The following TNRC18 variants were observed in gnomAD, a reference collection of about 807,000 sequenced individuals.
The protein encoded by TNRC18 is trinucleotide repeat containing 18, also known as trinucleotide repeat-containing gene 18 protein.
TNRC18 carries 69 observed loss-of-function variants against 226.7 expected under a neutral mutation model. That is an observed-to-expected ratio of 0.30 (90% CI 0.25 to 0.37). The LOEUF (loss-of-function observed/expected upper bound fraction) is 0.37. Among genes scored for constraint, TNRC18 ranks in the 10% least tolerant of loss-of-function variants. TNRC18 has a pLI of 1.00. For missense variants in TNRC18, 4,754 were observed against 4,256.6 expected (o/e 1.12, Z -3.25); for synonymous variants, 2,449 against 1,927.6 (o/e 1.27, Z -7.09).
chr7:5,379,612 T>C (rs1475548703), intron 5 of TNRC18, among the ~76,000 whole-genome samples: 1 of 152,138 alleles, frequency 6.6e-6, no homozygotes, highest in Non-Finnish European at 1.5e-5. Flanking sequence ...GAGCCCCGTC[T>C]GGCCCTCCTG....
At position 5,421,127 on chromosome 7, in the gene TNRC18, G is replaced by A. The variant is rs1286612836; in HGVS notation, c.120C>T (p.Ala40=). Residue 40 remains alanine, a synonymous_variant, in exon 2 of 30, where the codon GCC becomes GCT. Transcript: ENST00000430969. The stretch of plus-strand genomic sequence containing the variant: ...GCGGCAGCGGGCCGGGCAAGCCCGA[G>A]GCGGGCAAGCGTCCGGCAGTGGCCG... ...VGAATAGRLP[A]SGLPGPLPPG... is the part of the protein sequence containing the mutation. 1 of 1,458,596 alleles carries A rather than the reference G, an allele frequency of 6.9e-7. No individual in the cohort carries two copies. Among genetic ancestry groups the A allele is most frequent in the Non-Finnish European group, 9.1e-7 (1 of 1,098,728 alleles). The allele number at this position is 1,458,596 out of a possible 1,614,324, so 90.4% of individuals were successfully genotyped here. A position where few individuals can be genotyped will look rare whatever the true frequency, so the allele number is the denominator to read the frequency against.
At chr7:5,419,494 T>C (rs559921388) in intron 2 of TNRC18, among the ~76,000 whole-genome samples, 1 of 152,290 alleles carries the variant, frequency 6.6e-6, no homozygotes, top group South Asian at 2.1e-4. Flanking sequence ...GGTGGACTTG[T>C]GGGGAGCGCA....
In TNRC18 at chr7:5,332,845, C is replaced by T. The variant is rs770772674; in HGVS notation, c.5924G>A (p.Arg1975Gln). Residue 1975 changes from arginine (R) to glutamine (Q), a missense_variant, in exon 19 of 30, where the codon CGG becomes CAG. Arg to Gln is a conservative substitution (Grantham distance 43). Coordinates refer to ENST00000430969, the MANE Select transcript of TNRC18 (RefSeq NM_001080495.3). ...CTCGAAGCCAGGCTCCTTGGGGCCC[C>T]GCAGCTTCCGGGCCTTGCGCCCCTT... ...VEKGRKARKL[R>Q]GPKEPGFEAG... 3.3e-6 allele frequency: 5 copies of T among 1,509,510 alleles called. 1 individual carries two copies. In the South Asian group the frequency reaches 3.7e-5, roughly 11 times the overall value. 93.5% of individuals were successfully genotyped at this position (1,509,510 alleles called of 1,614,324 possible). A position where few individuals can be genotyped will look rare whatever the true frequency, so the allele number is the denominator to read the frequency against.
intron 16 of TNRC18, among the ~76,000 whole-genome samples, chr7:5,356,168 T>TAAAAAAA (rs1172689513): frequency 2.0e-5 from 2 of 99,548 alleles, no homozygotes; most frequent in Non-Finnish European, 4.1e-5. Context: ...CGTCTCAAAT[T>TAAAAAAA]AAAAAAAAAA....
rs1780054832 is a variant in TNRC18 at position 5,388,984 on chromosome 7, T to C, written c.840A>G (p.Val280=). ...CGGCGCCGCCGTTGCACATGGTCAG[T>C]ACCGACGGCTGCAGCGCCGCATTCT... ...KTKNAALQPS[V]LTMCNGGAGD... Residue 280 remains valine (V), a synonymous_variant, in exon 5 of 30, where the codon GTA becomes GTG. Transcript: ENST00000430969. 1.5e-6 allele frequency: 2 copies of C among 1,373,696 alleles called. No individual in the cohort carries two copies. Among genetic ancestry groups the C allele is most frequent in the African/African-American group, 1.6e-5 (1 of 63,542 alleles). 85.1% of individuals were successfully genotyped at this position (1,373,696 alleles called of 1,614,324 possible).
At chr7:5,390,085 A>G in intron 4 of TNRC18, 1 of 328,794 alleles carries the variant, frequency 3.0e-6, no homozygotes, top group Non-Finnish European at 5.4e-6. Context: ...AAAGCATCTT[A>G]GGCCACAATG....
intron 18 of TNRC18, among the ~76,000 whole-genome samples, chr7:5,335,196 G>T (rs565623020): frequency 3.5e-4 from 53 of 149,862 alleles, no homozygotes; most frequent in African/African-American, 1.2e-3. Flanking sequence ...CCAGCTACTC[G>T]GGAGGCTTAG....
At chr7:5,418,917 C>T (rs545559149) in intron 2 of TNRC18, among the ~76,000 whole-genome samples, 1 of 152,186 alleles carries the variant, frequency 6.6e-6, no homozygotes, top group South Asian at 2.1e-4. Flanking sequence ...GGTCTCCTTG[C>T]GGCTACTCGA....
At chr7:5,352,972 T>A (rs1439861046) in intron 16 of TNRC18, among the ~76,000 whole-genome samples, 2 of 151,750 alleles carry the variant, frequency 1.3e-5, no homozygotes, top group Admixed American at 6.6e-5. Flanking sequence ...CACCTCCGAG[T>A]CCAAGAGAAA....
At chr7:5,342,181 C>G (rs1790750373) in intron 18 of TNRC18, among the ~76,000 whole-genome samples, 1 of 152,216 alleles carries the variant, frequency 6.6e-6, no homozygotes, top group African/African-American at 2.4e-5. Flanking sequence ...GTAACCCCAG[C>G]ACTTTGGGAG....
Position 5,357,102 on chromosome 7 carries a change from C to G in TNRC18, c.5008G>C (p.Asp1670His), listed in dbSNP as rs367994933. Residue 1670 changes from aspartate to histidine, a missense_variant, in exon 16 of 30, where the codon GAC (aspartate) becomes CAC (histidine). Physicochemically the swap from Asp to His is moderately conservative, Grantham distance 81. Coordinates refer to ENST00000430969, the MANE Select transcript of TNRC18 (RefSeq NM_001080495.3). The stretch of plus-strand genomic sequence containing the variant: ...TTCCTGTTCTTCCCCAGCAGGCTGT[C>G]GTAAGGAGTCAAGTACCTGCCGCAG... ...GGCGRYLTPY[D>H]SLLGKNRKAL... The G allele has an allele frequency of 9.7e-6, 15 of 1,552,368 alleles. No individual in the cohort carries two copies. The highest frequency in any genetic ancestry group is 2.4e-5 in the South Asian group (2 of 84,086).
chr7:5,345,464 C>G (rs1044085185), intron 18 of TNRC18, 98 bp downstream of exon 18: 1 of 1,229,230 alleles, frequency 8.1e-7, no homozygotes, highest in African/African-American at 1.5e-5. Flanking sequence ...CAGCTCTGCA[C>G]CTGCATCTCT....
Position 5,394,395 on chromosome 7 carries a change from C to A in TNRC18, c.343+45G>T. On this transcript the variant is annotated intron_variant, in intron 3 of 29. Transcript: ENST00000430969. This position sits in a 1 kb window ranked among gnomAD's most constrained non-coding sequence, Gnocchi z 4.5. Reference sequence around the variant, plus strand: ...CATGAAGTGGCCAGAGTGGCTGGGACGTCAGCCCAGCAGCCCTCAGCCCCG... The same window carrying A: ...CATGAAGTGGCCAGAGTGGCTGGGAAGTCAGCCCAGCAGCCCTCAGCCCCG... The A allele has an allele frequency of 6.8e-7, 1 of 1,465,688 alleles. No individual in the cohort carries two copies. The highest frequency in any genetic ancestry group is 9.0e-7 in the Non-Finnish European group (1 of 1,106,952). 90.8% of individuals were successfully genotyped at this position (1,465,688 alleles called of 1,614,324 possible). A position where few individuals can be genotyped will look rare whatever the true frequency, so the allele number is the denominator to read the frequency against.
Position 5,332,977 on chromosome 7 carries a change from C to A in TNRC18, c.5792G>T (p.Arg1931Leu). ...VRKRSPAGLL[R>L]PKKGLGEPGP... ...CGGCTCCCCCAGCCCCTTCTTGGGC[C>A]GCAGCAGCCCCGCAGGCGACCGCTT... Residue 1931 changes from arginine (R) to leucine (L), a missense_variant, in exon 19 of 30, where the codon CGG becomes CTG. By Grantham distance (102) the Arg-to-Leu change is moderately radical. Coordinates refer to ENST00000430969, the MANE Select transcript of TNRC18 (RefSeq NM_001080495.3). 6.4e-7 allele frequency: 1 copy of A among 1,567,164 alleles called. No homozygotes were observed. Among genetic ancestry groups the A allele is most frequent in the Non-Finnish European group, 8.6e-7 (1 of 1,164,490 alleles).
intron 2 of TNRC18, among the ~76,000 whole-genome samples, chr7:5,400,542 G>A (rs752581195): frequency 6.6e-6 from 1 of 152,142 alleles, no homozygotes; most frequent in Non-Finnish European, 1.5e-5. Flanking sequence ...AACCTAGGAG[G>A]TGGAAGGTGC....
At chr7:5,373,332 A>C (rs1012180317) in intron 10 of TNRC18, among the ~76,000 whole-genome samples, 11 of 152,196 alleles carry the variant, frequency 7.2e-5, no homozygotes, top group Non-Finnish European at 1.5e-4. Context: ...TCTCAAAAAA[A>C]AGAAAAGGAA....
chr7:5,412,042 C>A (rs116803701), intron 2 of TNRC18, among the ~76,000 whole-genome samples: 2,048 of 151,854 alleles, frequency 0.013, 51 homozygotes, highest in African/African-American at 0.047. Flanking sequence ...TAACAGTTAG[C>A]CAGGTGTGGT....
At chr7:5,417,716 G>A (rs1782278660) in intron 2 of TNRC18, among the ~76,000 whole-genome samples, 1 of 152,182 alleles carries the variant, frequency 6.6e-6, no homozygotes, top group Non-Finnish European at 1.5e-5. Context: ...AACCAAGAGA[G>A]CCCCCTCCCC....
intron 19 of TNRC18, among the ~76,000 whole-genome samples, chr7:5,331,644 G>C (rs542362395): frequency 6.6e-6 from 1 of 152,192 alleles, no homozygotes; most frequent in East Asian, 1.9e-4. Flanking sequence ...AGCACTAGCC[G>C]GGTGCAGTGG....
Sources: gnomAD v4.1 joint callset for allele counts (sites outside exome capture counted in the v4.1 genomes callset) on GRCh38, gnomAD v4.1.1 for gene constraint, Gnocchi (gnomAD v3.1) non-coding constraint, MANE v1.5 for transcripts, NCBI Gene and HGNC (gene_info 2026-07-23, HGNC 2026-07-21) for gene names.